Variants in PCLO observed in about 807,000 individuals in gnomAD.
PCLO encodes piccolo presynaptic cytomatrix protein, also known as protein piccolo.
PCLO carries 82 observed loss-of-function variants against 427.5 expected under a neutral mutation model. The observed-to-expected ratio is 0.19, with a 90% CI of 0.16 to 0.23. The LOEUF is 0.23. Ranked by LOEUF, PCLO falls within the 10% of genes least tolerant of loss-of-function variation. PCLO has a pLI of 1.00. For synonymous variants in PCLO, 2,357 were observed against 2,155.4 expected (o/e 1.09, Z -2.59); for missense variants, 6,239 against 6,115.9 (o/e 1.02, Z -0.67).
intron 2 of PCLO, among the ~76,000 whole-genome samples, chr7:83,143,661 A>C (rs1419538281): frequency 6.8e-6 from 1 of 147,206 alleles, no homozygotes; most frequent in Non-Finnish European, 1.5e-5. Context: ...AAAAAAAAAA[A>C]CCTGACACTT....
intron 20 of PCLO, among the ~76,000 whole-genome samples, chr7:82,818,671 T>C (rs1442614404): frequency 6.6e-6 from 1 of 152,150 alleles, no homozygotes; most frequent in South Asian, 2.1e-4. Flanking sequence ...CACAAGACAA[T>C]GTTATATTTG....
chr7:83,120,833 C>T (rs1244180778), intron 3 of PCLO, among the ~76,000 whole-genome samples: 2 of 152,000 alleles, frequency 1.3e-5, no homozygotes, highest in Non-Finnish European at 2.9e-5. Context: ...ATAAGAAATC[C>T]TAAAAGGAGT....
At chr7:82,810,805 C>T (rs1024429049) in intron 20 of PCLO, among the ~76,000 whole-genome samples, 1 of 151,662 alleles carries the variant, frequency 6.6e-6, no homozygotes, top group African/African-American at 2.4e-5. Context: ...CTCTACCACA[C>T]AGTACTTAAA....
intron 20 of PCLO, among the ~76,000 whole-genome samples, chr7:82,816,049 A>G (rs1791672601): frequency 6.6e-6 from 1 of 152,096 alleles, no homozygotes; most frequent in Non-Finnish European, 1.5e-5. Context: ...ATTTACATGT[A>G]CAGCACAGTA....
At chr7:82,779,214 G>A (rs564744267) in intron 22 of PCLO, among the ~76,000 whole-genome samples, 196 of 152,128 alleles carry the variant, frequency 1.3e-3, no homozygotes, top group South Asian at 6.6e-3. Flanking sequence ...TTTTAAAACC[G>A]TGTTTTGAAG....
chr7:83,077,723 C>T (rs1183915956), intron 3 of PCLO, among the ~76,000 whole-genome samples: 2 of 152,020 alleles, frequency 1.3e-5, no homozygotes, highest in African/African-American at 4.8e-5. Flanking sequence ...TAGTTTCCAG[C>T]TCTCATGGAA....
At chr7:82,990,876 T>C (rs563115603) in intron 3 of PCLO, among the ~76,000 whole-genome samples, 2 of 152,216 alleles carry the variant, frequency 1.3e-5, no homozygotes, top group South Asian at 2.1e-4. Flanking sequence ...CCCAATGTCA[T>C]ACATATCCAT....
chr7:82,778,363 C>T (rs925937180), intron 22 of PCLO, among the ~76,000 whole-genome samples: 2 of 152,116 alleles, frequency 1.3e-5, no homozygotes, highest in Non-Finnish European at 2.9e-5. Flanking sequence ...TGAGTGATTT[C>T]TCAAAGACCT....
rs746086173 is a variant in PCLO, at chr7:82,822,529, G to T, written c.14757C>A (p.Ala4919=). 1.2e-6 allele frequency: 2 copies of T among 1,613,758 alleles called. No individual in the cohort carries two copies. The highest frequency in any genetic ancestry group is 2.2e-5 in the South Asian group (2 of 91,074). The change falls in exon 20 of 25, where the codon GCC becomes GCA. Residue 4919 remains alanine, a synonymous_variant. Transcript: ENST00000333891. ...TGCGGAGTTGTTGCACGGCAGCTTCGGCAGCAGCTATGGCAGCCCCTGCAT... is the reference window on the plus strand; with the variant it reads ...TGCGGAGTTGTTGCACGGCAGCTTCTGCAGCAGCTATGGCAGCCCCTGCAT... ...LEDAGAAIAA[A]EAAVQQLRIQ... is the part of the protein sequence containing the mutation.
chr7:82,815,236 A>G (rs567088706), intron 20 of PCLO, among the ~76,000 whole-genome samples: 65 of 152,094 alleles, frequency 4.3e-4, no homozygotes, highest in African/African-American at 1.3e-3. Flanking sequence ...GTGCACAGAA[A>G]CCCGGAGTAA....
At chr7:82,993,252 TA>T (rs1377488718) in intron 3 of PCLO, among the ~76,000 whole-genome samples, 1 of 152,022 alleles carries the variant, frequency 6.6e-6, no homozygotes, top group African/African-American at 2.4e-5. Context: ...TATAGAGATA[TA>T]ATAAATGCAA....
chr7:82,936,976 T>C (rs532873301), intron 6 of PCLO, among the ~76,000 whole-genome samples: 28 of 151,798 alleles, frequency 1.8e-4, no homozygotes, highest in Non-Finnish European at 2.4e-4. Flanking sequence ...CATTGGTAGT[T>C]GTCAGAGGCT....
chr7:82,794,459 C>CTTTTTTTTTTTTTTTTTT lies in PCLO; in HGVS notation c.15007+7041_15007+7058dup, dbSNP rs778108792. ...ACATGCTAGTTCATAAATTTTTTTT[C>CTTTTTTTTTTTTTTTTTT]TTTTTTTTTTTTTTTTTTTTTTTTT... On this transcript the variant is annotated intron_variant, in intron 22 of 24. Transcript: ENST00000333891. Among the ~76,000 whole-genome samples the CTTTTTTTTTTTTTTTTTT allele has an allele frequency of 2.7e-3, 154 of 56,360 alleles. 55 individuals are homozygous for CTTTTTTTTTTTTTTTTTT. The highest frequency in any genetic ancestry group is 5.6e-3 in the South Asian group (4 of 710). The allele number at this position is 56,360 out of a possible 152,430, so 37.0% of individuals were successfully genotyped here. A position where few individuals can be genotyped will look rare whatever the true frequency, so the allele number is the denominator to read the frequency against.
At chr7:82,838,181 T>A (rs763934614) in intron 15 of PCLO, 37 bp downstream of exon 15, 1 of 1,491,822 alleles carries the variant, frequency 6.7e-7, no homozygotes, top group Non-Finnish European at 9.2e-7. Flanking sequence ...ACTATTGTTT[T>A]AAAGCATGAG....
At chr7:82,920,502 C>T (rs1794571029) in intron 6 of PCLO, among the ~76,000 whole-genome samples, 2 of 151,512 alleles carry the variant, frequency 1.3e-5, no homozygotes, top group South Asian at 4.2e-4. Context: ...GAATAAAAAG[C>T]CCTAATAATA....
At chr7:82,818,298 TG>T (rs1328900188) in intron 20 of PCLO, among the ~76,000 whole-genome samples, 6 of 152,172 alleles carry the variant, frequency 3.9e-5, no homozygotes, top group Admixed American at 3.9e-4. Context: ...AGCAGAAATC[TG>T]CTGAGAAGCT....
intron 9 of PCLO, among the ~76,000 whole-genome samples, chr7:82,897,834 A>G (rs1216665303): frequency 6.6e-6 from 1 of 151,432 alleles, no homozygotes; most frequent in African/African-American, 2.4e-5. Context: ...CACTGCAGAT[A>G]TCGTTACAGC....
At chr7:82,903,669 A>G (rs544835302) in intron 8 of PCLO, among the ~76,000 whole-genome samples, 1 of 152,084 alleles carries the variant, frequency 6.6e-6, no homozygotes, top group Non-Finnish European at 1.5e-5. Context: ...ACAGGATTTT[A>G]TTTGTATGGA....
chr7:83,043,869 A>G (rs1270721228), intron 3 of PCLO, among the ~76,000 whole-genome samples: 1 of 151,654 alleles, frequency 6.6e-6, no homozygotes, highest in Non-Finnish European at 1.5e-5. Context: ...CTTCATAAGA[A>G]GCAAAAAAGA....
Sources: allele counts gnomAD v4.1 joint callset (sites outside exome capture counted in the v4.1 genomes callset), GRCh38; gene constraint gnomAD v4.1.1; transcripts MANE v1.5; gene names NCBI Gene and HGNC (gene_info 2026-07-23, HGNC 2026-07-21).